DMPK: variants seen among roughly 807,000 people sequenced by gnomAD.
The protein encoded by DMPK is myotonin-protein kinase.
DMPK carries 32 observed loss-of-function variants against 70.3 expected under a neutral mutation model. That is an observed-to-expected ratio of 0.46 (90% CI 0.34 to 0.61). DMPK has a LOEUF of 0.61. Among genes scored for constraint, DMPK ranks in the 20% least tolerant of loss-of-function variants. The probability of loss-of-function intolerance (pLI) is 0.01; values close to 1 mark genes in which losing one functional copy is unlikely to be tolerated. For synonymous variants in DMPK, 469 were observed against 390.9 expected (o/e 1.20, Z -2.36); for missense variants, 899 against 886.0 (o/e 1.01, Z -0.19).
Position 45,779,793 on chromosome 19 carries a change from G to T in DMPK, c.237C>A (p.Arg79=), listed in dbSNP as rs1280621603. 13 of 1,468,228 alleles carry T rather than the reference G, an allele frequency of 8.9e-6. No individual in the cohort carries two copies. The highest frequency in any genetic ancestry group is 1.2e-5 in the Non-Finnish European group (13 of 1,094,070). The allele number at this position is 1,468,228 out of a possible 1,614,324, so 91.0% of individuals were successfully genotyped here. A position where few individuals can be genotyped will look rare whatever the true frequency, so the allele number is the denominator to read the frequency against. Residue 79 remains arginine, a synonymous_variant, in exon 2 of 15, where the codon CGC becomes CGA. Transcript: ENST00000291270. Reference sequence around the variant, plus strand: ...TTCGGCTTACCTCGCTGAACGCCCCGCGTCCGATCACCTTCAGAATCTCGA... The same window carrying T: ...TTCGGCTTACCTCGCTGAACGCCCCTCGTCCGATCACCTTCAGAATCTCGA... ...DDFEILKVIG[R]GAFSEVAVVK...
At chr19:45,772,787 G>C (rs934692590) in intron 9 of DMPK, 35 bp from the exon 10 acceptor site, 2 of 1,277,218 alleles carry the variant, frequency 1.6e-6, no homozygotes, top group Non-Finnish European at 2.1e-6. Context: ...GAGGGAGACA[G>C]AATGCTGATT....
intron 4 of DMPK, 22 bp downstream of exon 4, chr19:45,779,242 G>A (rs760653625): frequency 6.4e-5 from 103 of 1,611,530 alleles, no homozygotes; most frequent in Non-Finnish European, 8.3e-5. Context: ...CCTCTTCCTA[G>A]TCACCCCGGC....
chr19:45,771,192 G>A (rs767867898), intron 13 of DMPK, 132 bp from the exon 14 acceptor site: 7 of 1,201,596 alleles, frequency 5.8e-6, no homozygotes, highest in Non-Finnish European at 8.1e-6. Flanking sequence ...GGTGAGGCCT[G>A]AACGGAGGGA....
Position 45,769,957 on chromosome 19 carries a change from G to C in DMPK, c.*531C>G, listed in dbSNP as rs1046645860. On this transcript the variant is annotated 3_prime_UTR_variant, in exon 15 of 15. Transcript: ENST00000291270. ...AGCGCAAGTGAGGAGGGGGGCGCGG[G>C]ATCCCCGAAAAAGCGGGTTTGGCAA... 1.3e-5 allele frequency: 4 copies of C among 309,716 alleles called. No individual in the cohort carries two copies. Among genetic ancestry groups the C allele is most frequent in the Middle Eastern group, 1.2e-3 (1 of 854 alleles). 19.2% of individuals were successfully genotyped at this position (309,716 alleles called of 1,614,324 possible).
Position 45,779,763 on chromosome 19 carries a change from C to T in DMPK, c.252+15G>A. On this transcript the variant is annotated intron_variant, in intron 2 of 14. Coordinates refer to ENST00000291270, the MANE Select transcript of DMPK (RefSeq NM_004409.5). ...CACCACGAGTCAAGTCAGGCTCCCGCCCGGTTCGGCTTACCTCGCTGAACG... is the reference window on the plus strand; with the variant it reads ...CACCACGAGTCAAGTCAGGCTCCCGTCCGGTTCGGCTTACCTCGCTGAACG... The T allele has an allele frequency of 1.3e-6, 2 of 1,546,656 alleles. No homozygotes were observed. Among genetic ancestry groups the T allele is most frequent in the Non-Finnish European group, 8.7e-7 (1 of 1,146,512 alleles).
In DMPK at chr19:45,779,541, GAC is replaced by G; in HGVS notation, c.253-21_253-20del. Reference sequence around the variant, plus strand: ...CCGCTACCTGAGGTCGAGATAGTGAGACAGAGTGGAGACGGCGGGAAAACAAA... The same window carrying G: ...CCGCTACCTGAGGTCGAGATAGTGAGAGAGTGGAGACGGCGGGAAAACAAA... On this transcript the variant is annotated intron_variant, in intron 2 of 14. Coordinates refer to ENST00000291270, the MANE Select transcript of DMPK (RefSeq NM_004409.5). 1.2e-6 allele frequency: 2 copies of G among 1,613,356 alleles called. No homozygotes were observed. The highest frequency in any genetic ancestry group is 1.7e-6 in the Non-Finnish European group (2 of 1,179,678).
rs772315750 is a variant in DMPK at position 45,777,803 on chromosome 19, C to T, written c.746G>A (p.Gly249Glu). 10 of 1,612,736 alleles carry T rather than the reference C, an allele frequency of 6.2e-6. No homozygotes were observed. Among genetic ancestry groups the T allele is most frequent in the Admixed American group, 5.0e-5 (3 of 60,010 alleles). The part of the protein sequence containing the change: ...SPEILQAVGG[G>E]PGTGSYGPEC... ...GGGCCCGTAGCTGCCTGTCCCAGGCCCACCGCCCACAGCCTGCAGGATCTC... is the reference window on the plus strand; with the variant it reads ...GGGCCCGTAGCTGCCTGTCCCAGGCTCACCGCCCACAGCCTGCAGGATCTC... The change falls in exon 7 of 15, where the codon GGG becomes GAG. Residue 249 changes from glycine (G) to glutamate (E), a missense_variant. By Grantham distance (98) the Gly-to-Glu change is moderately conservative. Around this residue, in one of 3 missense-constraint regions of DMPK, gnomAD observed 195 missense variants for 259.7 expected, o/e 0.75. Coordinates refer to ENST00000291270, the MANE Select transcript of DMPK (RefSeq NM_004409.5). This position sits in a 1 kb window ranked among gnomAD's most constrained non-coding sequence, Gnocchi z 6.7.
Position 45,782,302 on chromosome 19 carries a change from C to A in DMPK, c.51G>T (p.Pro17=). 6.3e-7 allele frequency: 1 copy of A among 1,593,580 alleles called. No individual in the cohort carries two copies. The highest frequency in any genetic ancestry group is 2.3e-5 in the East Asian group (1 of 43,748). Residue 17 remains proline (P), a synonymous_variant, in exon 1 of 15, where the codon CCG becomes CCT. Coordinates refer to ENST00000291270, the MANE Select transcript of DMPK (RefSeq NM_004409.5). Reference sequence around the variant, plus strand: ...GCAGGGGCTCCAGCCCCAGGAAGCCCGGGTCCAACACCAGCTGCTGGAGCC... The same window carrying A: ...GCAGGGGCTCCAGCCCCAGGAAGCCAGGGTCCAACACCAGCTGCTGGAGCC... The part of the protein sequence containing the change: ...LRRLQQLVLD[P]GFLGLEPLLD...
At chr19:45,778,812 C>A (rs1277340466) in intron 4 of DMPK, 171 bp from the exon 5 acceptor site, 9 of 642,252 alleles carry the variant, frequency 1.4e-5, no homozygotes, top group Non-Finnish European at 2.3e-5. Flanking sequence ...CACCTGCGGC[C>A]CCCGCCCCCG....
chr19:45,778,730 C>T (rs1297345335), intron 4 of DMPK, 89 bp from the exon 5 acceptor site: 3 of 1,400,328 alleles, frequency 2.1e-6, no homozygotes, highest in African/African-American at 2.9e-5. Flanking sequence ...CAGAGACACC[C>T]CATCCTTGGG....
At position 45,770,332 on chromosome 19, in the gene DMPK, C is replaced by A; in HGVS notation, c.*156G>T. On this transcript the variant is annotated 3_prime_UTR_variant, in exon 15 of 15. Transcript: ENST00000291270. ...GCGGACCCGGCCCCTCCCTCCCCGG[C>A]CGCTAGGGGGCGGGCCCGGATCACA... The A allele has an allele frequency of 4.5e-6, 5 of 1,100,800 alleles. No homozygotes were observed. Among genetic ancestry groups the A allele is most frequent in the Non-Finnish European group, 5.3e-6 (4 of 750,500 alleles). 68.2% of individuals were successfully genotyped at this position (1,100,800 alleles called of 1,614,324 possible). A position where few individuals can be genotyped will look rare whatever the true frequency, so the allele number is the denominator to read the frequency against.
At position 45,771,063 on chromosome 19, in the gene DMPK, GGA is replaced by G; in HGVS notation, c.1648-5_1648-4del. 1 of 1,525,606 alleles carries G rather than the reference GGA, an allele frequency of 6.6e-7. No individual in the cohort carries two copies. 94.5% of individuals were successfully genotyped at this position (1,525,606 alleles called of 1,614,324 possible). Reference sequence around the variant, plus strand: ...GCCACGGCCGGGGGGCCATCTAGCTGGAGAGAGAAGGGACAGGTGACCCGATC... The same window carrying G: ...GCCACGGCCGGGGGGCCATCTAGCTGGAGAGAAGGGACAGGTGACCCGATC... On this transcript the variant is annotated splice_polypyrimidine_tract_variant and splice_region_variant and intron_variant, in intron 13 of 14. Transcript: ENST00000291270.
In DMPK at chr19:45,778,019, G is replaced by T; in HGVS notation, c.675+108C>A. The T allele has an allele frequency of 1.5e-5, 18 of 1,228,852 alleles. No individual in the cohort carries two copies. In the South Asian group the frequency reaches 2.0e-4, roughly 14 times the overall value. The allele number at this position is 1,228,852 out of a possible 1,614,324, so 76.1% of individuals were successfully genotyped here. A position where few individuals can be genotyped will look rare whatever the true frequency, so the allele number is the denominator to read the frequency against. ...CCACACAGATGCACACTTAAGCCTG[G>T]GTCACACCACCTCTTTTCCCCTCCA... is the stretch of plus-strand genomic sequence containing the variant. On this transcript the variant is annotated intron_variant, in intron 6 of 14. Transcript: ENST00000291270.
rs1327287684 is a variant in DMPK, at chr19:45,771,382, GGACCCCCGT to G, written c.1606_1614del (p.Thr536_Val538del). 6.2e-7 allele frequency: 1 copy of G among 1,605,598 alleles called. No individual in the cohort carries two copies. Among genetic ancestry groups the G allele is most frequent in the South Asian group, 1.1e-5 (1 of 90,546 alleles). On this transcript the variant is annotated inframe_deletion, in exon 13 of 15. Coordinates refer to ENST00000291270, the MANE Select transcript of DMPK (RefSeq NM_004409.5). ...GGTGGATCCGTGGCCCGGGGACTGG[GGACCCCCGT>G]GACAGCTGGAAGGAGAAGAAAGAGG...
Position 45,770,007 on chromosome 19 carries a change from C to T in DMPK, c.*481G>A, listed in dbSNP as rs1457207749. 2.8e-6 allele frequency: 1 copy of T among 355,646 alleles called. No homozygotes were observed. The highest frequency in any genetic ancestry group is 5.3e-6 in the Non-Finnish European group (1 of 188,556). The allele number at this position is 355,646 out of a possible 1,614,324, so 22.0% of individuals were successfully genotyped here. A position where few individuals can be genotyped will look rare whatever the true frequency, so the allele number is the denominator to read the frequency against. The stretch of plus-strand genomic sequence containing the variant: ...AAAGCAAATTTCCCGAGTAAGCAGG[C>T]AGAGATCGCGCCAGACGCTCCCCAG... On this transcript the variant is annotated 3_prime_UTR_variant, in exon 15 of 15. Coordinates refer to ENST00000291270, the MANE Select transcript of DMPK (RefSeq NM_004409.5).
chr19:45,770,486 G>C lies in DMPK; in HGVS notation c.*2C>G. On this transcript the variant is annotated 3_prime_UTR_variant, in exon 15 of 15. Coordinates refer to ENST00000291270, the MANE Select transcript of DMPK (RefSeq NM_004409.5). ...CCCCGGAGTCGAAGACAGTTCTAGG[G>C]TTCAGGGAGCGCGGGCGGCTCCTGG... 1 of 1,550,266 alleles carries C rather than the reference G, an allele frequency of 6.5e-7. No homozygotes were observed. Among genetic ancestry groups the C allele is most frequent in the Non-Finnish European group, 8.7e-7 (1 of 1,146,800 alleles).
rs952712209 is a variant in DMPK, at chr19:45,769,733, G to A, written c.*755C>T. Reference sequence around the variant, plus strand: ...GTCCAGAGCTTTGGGCAGATGGAGGGCCTTTTATTCGCGAGGGTCGGGGGT... The same window carrying A: ...GTCCAGAGCTTTGGGCAGATGGAGGACCTTTTATTCGCGAGGGTCGGGGGT... On this transcript the variant is annotated 3_prime_UTR_variant, in exon 15 of 15. Coordinates refer to ENST00000291270, the MANE Select transcript of DMPK (RefSeq NM_004409.5). 1.3e-4 allele frequency: 22 copies of A among 164,550 alleles called. No individual in the cohort carries two copies. The highest frequency in any genetic ancestry group is 5.5e-4 in the African/African-American group (22 of 40,054). 10.2% of individuals were successfully genotyped at this position (164,550 alleles called of 1,614,324 possible). A position where few individuals can be genotyped will look rare whatever the true frequency, so the allele number is the denominator to read the frequency against.
In DMPK at chr19:45,772,631, A is replaced by C. The variant is rs750304884; in HGVS notation, c.1344+10T>G. ...GTCCCTGACGGACCCCCTCCCCTCC[A>C]CCAACTTACTGTTTCATCCTGTGGG... On this transcript the variant is annotated intron_variant, in intron 10 of 14. Transcript: ENST00000291270. The C allele has an allele frequency of 6.5e-7, 1 of 1,537,486 alleles. No individual in the cohort carries two copies.
At chr19:45,779,051 A>G (rs1969952706) in intron 4 of DMPK, 1 of 605,904 alleles carries the variant, frequency 1.7e-6, no homozygotes, top group Non-Finnish European at 2.9e-6. Flanking sequence ...AGTCCCCCAG[A>G]TCACCCCAGA....
Sources: allele counts gnomAD v4.1 joint callset, GRCh38; gene constraint gnomAD v4.1.1; regional missense constraint gnomAD v4.1.1; non-coding constraint Gnocchi (gnomAD v3.1); transcripts MANE v1.5; gene names NCBI Gene and HGNC (gene_info 2026-07-23, HGNC 2026-07-21).